The following NAT16 variants were observed in gnomAD, a reference collection of about 807,000 sequenced individuals.
NAT16 encodes the protein N-acetyltransferase 16 (putative).
NAT16 carries 16 observed loss-of-function variants against 15.9 expected under a neutral mutation model. That is an observed-to-expected ratio of 1.01 (90% CI 0.68 to 1.53). The LOEUF is 1.53. Among genes scored for constraint, NAT16 ranks in the 40% most tolerant of loss-of-function variants. The pLI is 0.00. For missense variants in NAT16, 572 were observed against 508.4 expected, an observed-to-expected ratio of 1.13 and a Z score of -1.20; for synonymous variants, 260 against 241.9, an observed-to-expected ratio of 1.07 and a Z score of -0.69.
intron 1 of NAT16, among the ~76,000 whole-genome samples, chr7:101,178,933 A>C (rs1797531506): frequency 6.9e-6 from 1 of 144,826 alleles, no homozygotes; most frequent in South Asian, 2.2e-4. Flanking sequence ...TTCTCTCTTC[A>C]TGTCTATCCC....
intron 1 of NAT16, among the ~76,000 whole-genome samples, chr7:101,175,672 A>T (rs1169761053): frequency 6.6e-6 from 1 of 151,852 alleles, no homozygotes; most frequent in East Asian, 1.9e-4. Context: ...TCATGCCTGT[A>T]CTCCCAGCAC....
chr7:101,173,445 C>T lies in NAT16; in HGVS notation c.388G>A (p.Glu130Lys), dbSNP rs762778679. 1.1e-4 allele frequency: 181 copies of T among 1,612,198 alleles called. No homozygotes were observed. Among genetic ancestry groups the T allele is most frequent in the Admixed American group, 3.2e-4 (19 of 59,910 alleles). ...AGCCCGGCCACGCCCTTCCCGCGCT[C>T]CCAGGGCGCCACGCGCAGCCCCTCC... ...LVEGLRVAPW[E>K]RGKGVAGLLQ... The change falls in exon 3 of 4, where the codon GAG becomes AAG. Residue 130 changes from glutamate to lysine, a missense_variant. Glu to Lys is a moderately conservative substitution (Grantham distance 56). Transcript: ENST00000300303.
chr7:101,179,652 G>C, intron 1 of NAT16, among the ~76,000 whole-genome samples: 1 of 144,366 alleles, frequency 6.9e-6, no homozygotes, highest in East Asian at 2.2e-4. Flanking sequence ...GGGCCCCAGA[G>C]GGCCACAGTA....
chr7:101,177,485 G>C (rs1797492050), intron 1 of NAT16, among the ~76,000 whole-genome samples: 1 of 152,122 alleles, frequency 6.6e-6, no homozygotes, highest in Non-Finnish European at 1.5e-5. Context: ...TAGGACTACA[G>C]GCATGTGCCA....
rs376895573 is a variant in NAT16, at chr7:101,176,216, G to A, written c.-4-1405C>T. Reference sequence around the variant, plus strand: ...CATTCAAATATAAACAAGATAGATAGCTCCACTAGAAAATGTCAAGCCAGC... The same window carrying A: ...CATTCAAATATAAACAAGATAGATAACTCCACTAGAAAATGTCAAGCCAGC... On this transcript the variant is annotated intron_variant, in intron 1 of 3. Transcript: ENST00000300303. Among the ~76,000 whole-genome samples the A allele has an allele frequency of 9.2e-5, 14 of 152,256 alleles. No homozygotes were observed. In the East Asian group the frequency reaches 2.5e-3, roughly 27 times the overall value.
chr7:101,176,006 C>G (rs1167585321), intron 1 of NAT16, among the ~76,000 whole-genome samples: 1 of 152,060 alleles, frequency 6.6e-6, no homozygotes, highest in Non-Finnish European at 1.5e-5. Flanking sequence ...GAAAGAAACT[C>G]CCACTGTCAC....
chr7:101,172,647 A>G lies in NAT16; in HGVS notation c.542T>C (p.Ile181Thr), dbSNP rs759555931. ...KKYRLITKQG[I>T]LLVRFNASAL... ...GGACGCGTTGAATCGGACCAAAAGG[A>G]TGCCCTGCGGGGGGCACGAGTGAGC... The change falls in exon 4 of 4, where the codon ATC (isoleucine) becomes ACC (threonine). Residue 181 changes from isoleucine (I) to threonine (T), a missense_variant. Coordinates refer to ENST00000300303, the MANE Select transcript of NAT16 (RefSeq NM_198571.3). This position sits in a 1 kb window ranked among gnomAD's most constrained non-coding sequence, Gnocchi z 4.2. The G allele has an allele frequency of 1.1e-5, 16 of 1,509,548 alleles. No homozygotes were observed. In the South Asian group the frequency reaches 1.6e-4, roughly 15 times the overall value. 93.5% of individuals were successfully genotyped at this position (1,509,548 alleles called of 1,614,324 possible).
chr7:101,176,977 A>C (rs576910753), intron 1 of NAT16, among the ~76,000 whole-genome samples: 1 of 152,084 alleles, frequency 6.6e-6, no homozygotes, highest in Non-Finnish European at 1.5e-5. Context: ...AGTGGTTTGC[A>C]CTTCCAAGCC....
Position 101,171,891 on chromosome 7 carries a change from G to T in NAT16, c.*188C>A, listed in dbSNP as rs1289405207. 3.4e-6 allele frequency: 2 copies of T among 582,040 alleles called. No individual in the cohort carries two copies. The highest frequency in any genetic ancestry group is 6.1e-6 in the Non-Finnish European group (2 of 328,246). 36.1% of individuals were successfully genotyped at this position (582,040 alleles called of 1,614,324 possible). ...AGGGAGTGGGCAATGGTGTTTGGGG[G>T]AGCTAGAGGCAAGATAGTAAGGGCA... is the stretch of plus-strand genomic sequence containing the variant. On this transcript the variant is annotated 3_prime_UTR_variant, in exon 4 of 4. Coordinates refer to ENST00000300303, the MANE Select transcript of NAT16 (RefSeq NM_198571.3).
chr7:101,178,710 TAAAAAAAA>T (rs386410830), intron 1 of NAT16, among the ~76,000 whole-genome samples: 1 of 72,794 alleles, frequency 1.4e-5, no homozygotes, highest in Non-Finnish European at 2.4e-5. Context: ...CTCTCTCTAC[TAAAAAAAA>T]AAAAAAAAAA....
chr7:101,173,050 T>C (rs1797371881), intron 3 of NAT16, among the ~76,000 whole-genome samples: 1 of 152,046 alleles, frequency 6.6e-6, no homozygotes, highest in South Asian at 2.1e-4. Flanking sequence ...GGCAGGATCC[T>C]AGGGGAGGCA....
At chr7:101,179,161 A>G (rs1797537334) in intron 1 of NAT16, 1 of 147,796 alleles carries the variant, frequency 6.8e-6, no homozygotes, top group Non-Finnish European at 1.5e-5. Flanking sequence ...AGAGGGAGGG[A>G]AGGGAGAGCC....
rs551198283 is a variant in NAT16, at chr7:101,173,764, C to T, written c.313-244G>A. The T allele has an allele frequency of 4.8e-4, 253 of 523,540 alleles. No homozygotes were observed. In the East Asian group the frequency reaches 8.1e-3, roughly 17 times the overall value. 32.4% of individuals were successfully genotyped at this position (523,540 alleles called of 1,614,324 possible). A position where few individuals can be genotyped will look rare whatever the true frequency, so the allele number is the denominator to read the frequency against. On this transcript the variant is annotated intron_variant, in intron 2 of 3. Transcript: ENST00000300303. ...TTAAATTTAGGACAGGGTCTCCTCA[C>T]CCAGGCTGGAGCGCAGTGGTGCTAT...
intron 1 of NAT16, chr7:101,179,292 G>C (rs1797540941): frequency 6.6e-6 from 1 of 151,504 alleles, no homozygotes; most frequent in East Asian, 2.0e-4. Flanking sequence ...CGGCCGCAGG[G>C]GACAGGCAGG....
chr7:101,172,550 G>A lies in NAT16; in HGVS notation c.639C>T (p.Thr213=). ...RTSGTFSPLP[T]EAVSEAGGDV... is the part of the protein sequence containing the mutation. Reference sequence around the variant, plus strand: ...CGCCGCCTGCCTCGGACACGGCCTCGGTGGGCAGCGGCGAGAAGGTGCCAG... The same window carrying A: ...CGCCGCCTGCCTCGGACACGGCCTCAGTGGGCAGCGGCGAGAAGGTGCCAG... The change falls in exon 4 of 4, where the codon ACC becomes ACT. Residue 213 remains threonine, a synonymous_variant. Transcript: ENST00000300303. The surrounding 1 kb of genome is among the most constrained non-coding windows in gnomAD (Gnocchi z 4.2). 2 of 1,556,330 alleles carry A rather than the reference G, an allele frequency of 1.3e-6. 1 individual carries two copies. The highest frequency in any genetic ancestry group is 1.7e-6 in the Non-Finnish European group (2 of 1,159,284).
intron 1 of NAT16, among the ~76,000 whole-genome samples, chr7:101,178,378 A>C (rs1297251504): frequency 6.6e-6 from 1 of 152,098 alleles, no homozygotes; most frequent in African/African-American, 2.4e-5. Flanking sequence ...GGCCAAGCCA[A>C]AGCTGTGGGC....
Position 101,174,690 on chromosome 7 carries a change from G to T in NAT16, c.118C>A (p.Pro40Thr), listed in dbSNP as rs1323341352. 1 of 1,613,694 alleles carries T rather than the reference G, an allele frequency of 6.2e-7. No homozygotes were observed. Among genetic ancestry groups the T allele is most frequent in the Non-Finnish European group, 8.5e-7 (1 of 1,180,008 alleles). ...GCCTCAGGCCCCGATCCCGACCTGGGCTCGGCCTCCACCTCCTGTGGCCGG... is the reference window on the plus strand; with the variant it reads ...GCCTCAGGCCCCGATCCCGACCTGGTCTCGGCCTCCACCTCCTGTGGCCGG... ...ETRPQEVEAEPRSGSGPEAEA... is the reference protein window; with the variant it reads ...ETRPQEVEAETRSGSGPEAEA... The change falls in exon 2 of 4, where the codon CCC (proline) becomes ACC (threonine). Residue 40 changes from proline (P) to threonine (T), a missense_variant. Physicochemically the swap from Pro to Thr is conservative, Grantham distance 38. Transcript: ENST00000300303.
In NAT16 at chr7:101,174,509, C is replaced by A. The variant is rs371229816; in HGVS notation, c.299G>T (p.Arg100Leu). ...DPDRTVVLAK[R>L]NGGVIALESV... ...CCCCGGGCTCACCACGCCTCCGTTG[C>A]GCTTGGCCAGCACCACCGTGCGGTC... Residue 100 changes from arginine (R) to leucine (L), a missense_variant, in exon 2 of 4, where the codon CGC becomes CTC. By Grantham distance (102) the Arg-to-Leu change is moderately radical. Transcript: ENST00000300303. 11 of 1,612,298 alleles carry A rather than the reference C, an allele frequency of 6.8e-6. No homozygotes were observed. The highest frequency in any genetic ancestry group is 2.2e-5 in the East Asian group (1 of 44,840).
rs145367749 is a variant in NAT16, at chr7:101,178,079, C to A, written c.-5+1963G>T. 3.6e-3 allele frequency among the ~76,000 whole-genome samples: 554 copies of A among 152,352 alleles called. 4 individuals are homozygous for A. Among genetic ancestry groups the A allele is most frequent in the South Asian group, 0.015 (71 of 4,824 alleles). On this transcript the variant is annotated intron_variant, in intron 1 of 3. Transcript: ENST00000300303. ...AACCGGTAGACTGGAACCCACCTGA[C>A]TCATTCAAGACATTTGGCTCCAGTC...
Sources: gnomAD v4.1 joint callset for allele counts (sites outside exome capture counted in the v4.1 genomes callset) on GRCh38, gnomAD v4.1.1 for gene constraint, Gnocchi (gnomAD v3.1) non-coding constraint, MANE v1.5 for transcripts, NCBI Gene and HGNC (gene_info 2026-07-23, HGNC 2026-07-21) for gene names.